SAFB: variants seen among roughly 807,000 people sequenced by gnomAD.
The protein encoded by SAFB is scaffold attachment factor B1.
Under a neutral mutation model 101.6 loss-of-function variants are expected in SAFB, and 15 were observed. The observed-to-expected ratio is 0.15, with a 90% confidence interval of 0.10 to 0.23. SAFB has a LOEUF of 0.23. Among genes scored for constraint, SAFB ranks in the 10% least tolerant of loss-of-function variants. The pLI is 1.00. For synonymous variants in SAFB, 449 were observed against 407.5 expected (o/e 1.10, Z -1.23); for missense variants, 930 against 1,104.1 (o/e 0.84, Z 2.23).
rs368894379 is a variant in SAFB at position 5,667,059 on chromosome 19, G to A, written c.2348G>A (p.Arg783His). 3.7e-6 allele frequency: 6 copies of A among 1,607,764 alleles called. No homozygotes were observed. Among genetic ancestry groups the A allele is most frequent in the East Asian group, 2.2e-5 (1 of 44,868 alleles). ...TGTGATGTCCAGCATTACCCAGAACGCCATGGAGGACCAGAGCGCCACGGC... is the reference window on the plus strand; with the variant it reads ...TGTGATGTCCAGCATTACCCAGAACACCATGGAGGACCAGAGCGCCACGGC... ...GEREGQHYPE[R>H]HGGPERHGRD... The change falls in exon 18 of 21, where the codon CGC becomes CAC. Residue 783 changes from arginine (R) to histidine (H), a missense_variant. Physicochemically the swap from Arg to His is conservative, Grantham distance 29. Transcript: ENST00000588852. This position sits in a 1 kb window ranked among gnomAD's most constrained non-coding sequence, Gnocchi z 4.0.
chr19:5,625,339 G>T (rs899268344), intron 1 of SAFB, among the ~76,000 whole-genome samples: 1 of 152,202 alleles, frequency 6.6e-6, no homozygotes, highest in African/African-American at 2.4e-5. Context: ...AAGGGTGAGG[G>T]ACTTGGTGAT....
intron 14 of SAFB, among the ~76,000 whole-genome samples, chr19:5,657,726 T>C (rs990524785): frequency 1.3e-5 from 2 of 151,950 alleles, no homozygotes; most frequent in Non-Finnish European, 2.9e-5. Context: ...GGTTTCACCA[T>C]GTTGGCTAGG....
At chr19:5,665,964 C>G (rs1218657437) in intron 17 of SAFB, 1 of 152,218 alleles carries the variant, frequency 6.6e-6, no homozygotes, top group Non-Finnish European at 1.5e-5. Flanking sequence ...CGTGGGACAT[C>G]GTGCACGTGG....
chr19:5,641,878 C>A lies in SAFB; in HGVS notation c.478C>A (p.Leu160Met), dbSNP rs2053722601. 6.2e-7 allele frequency: 1 copy of A among 1,614,180 alleles called. No homozygotes were observed. Among genetic ancestry groups the A allele is most frequent in the Non-Finnish European group, 8.5e-7 (1 of 1,180,034 alleles). Reference protein sequence around the residue: ...DDDADNLQESLSDSRELVEGE... With the variant: ...DDDADNLQESMSDSRELVEGE... ...TGATGCTGATAACCTCCAGGAGTCC[C>A]TGTCGGATAGTAGAGAGCTAGTCGA... is the stretch of plus-strand genomic sequence containing the variant. Residue 160 changes from leucine (L) to methionine (M), a missense_variant, in exon 4 of 21, where the codon CTG becomes ATG. By Grantham distance (15) the Leu-to-Met change is conservative (BLOSUM62 2). Transcript: ENST00000588852.
chr19:5,642,457 AAAAC>A (rs1219089575), intron 4 of SAFB, among the ~76,000 whole-genome samples: 1 of 139,364 alleles, frequency 7.2e-6, no homozygotes, highest in African/African-American at 2.7e-5. Context: ...TCTCTTGTTT[AAAAC>A]AAACAAACAA....
intron 2 of SAFB, among the ~76,000 whole-genome samples, chr19:5,630,980 T>C (rs1315944491): frequency 6.6e-6 from 1 of 151,672 alleles, no homozygotes; most frequent in Admixed American, 6.6e-5. Context: ...TCACCTGAGG[T>C]CAGGAGTTCG....
intron 17 of SAFB, 56 bp from the exon 18 acceptor site, chr19:5,666,990 G>C (rs2145501102): frequency 9.4e-7 from 1 of 1,068,152 alleles, no homozygotes; most frequent in African/African-American, 1.5e-5. Flanking sequence ...AAAAGCCTTG[G>C]GGTCTGGGCG....
intron 2 of SAFB, among the ~76,000 whole-genome samples, chr19:5,637,956 A>C (rs2053628797): frequency 6.6e-6 from 1 of 152,252 alleles, no homozygotes; most frequent in African/African-American, 2.4e-5. Flanking sequence ...GAGCATGCCT[A>C]TTCCTGACAC....
rs1194171730 is a variant in SAFB at position 5,661,578 on chromosome 19, G to A, written c.1923G>A (p.Glu641=). ...QRMQAQWERE[E]RERLEIARER... The stretch of plus-strand genomic sequence containing the variant: ...TGCAGGCGCAGTGGGAGCGCGAGGA[G>A]CGTGAGCGGCTGGAGATTGCCCGAG... The change falls in exon 15 of 21, where the codon GAG becomes GAA. Residue 641 remains glutamate, a synonymous_variant. Coordinates refer to ENST00000588852, the MANE Select transcript of SAFB (RefSeq NM_001201338.2). 24 of 1,613,122 alleles carry A rather than the reference G, an allele frequency of 1.5e-5. No homozygotes were observed. Among genetic ancestry groups the A allele is most frequent in the Non-Finnish European group, 1.9e-5 (22 of 1,179,936 alleles).
Position 5,623,286 on chromosome 19 carries a change from G to T in SAFB, c.81G>T (p.Gly27=). The T allele has an allele frequency of 6.2e-7, 1 of 1,613,548 alleles. No individual in the cohort carries two copies. The highest frequency in any genetic ancestry group is 8.5e-7 in the Non-Finnish European group (1 of 1,179,738). Residue 27 remains glycine, a synonymous_variant, in exon 1 of 21, where the codon GGG becomes GGT. Coordinates refer to ENST00000588852, the MANE Select transcript of SAFB (RefSeq NM_001201338.2). ...AALSSASSET[G]TRRLSDLRVI... is the part of the protein sequence containing the mutation. ...TGAGCTCCGCCTCGTCAGAGACCGG[G>T]ACGCGGCGCCTCAGCGACCTGCGAG... is the stretch of plus-strand genomic sequence containing the variant.
At chr19:5,639,656 G>GCACTC (rs2053663712) in intron 2 of SAFB, among the ~76,000 whole-genome samples, 1 of 148,204 alleles carries the variant, frequency 6.7e-6, no homozygotes, top group South Asian at 2.1e-4. Context: ...TCAGGCCACT[G>GCACTC]CACTCCAGCC....
rs1435892614 is a variant in SAFB at position 5,667,754 on chromosome 19, T to C, written c.2558-66T>C. On this transcript the variant is annotated intron_variant, in intron 19 of 20. Coordinates refer to ENST00000588852, the MANE Select transcript of SAFB (RefSeq NM_001201338.2). This position sits in a 1 kb window ranked among gnomAD's most constrained non-coding sequence, Gnocchi z 4.0. ...CCTCACCAAAGGGAGTGGAGTGGGCTAAATGTGCCGTGGGTTCCACGCCGT... is the reference window on the plus strand; with the variant it reads ...CCTCACCAAAGGGAGTGGAGTGGGCCAAATGTGCCGTGGGTTCCACGCCGT... The C allele has an allele frequency of 5.8e-6, 9 of 1,542,792 alleles. No homozygotes were observed. Among genetic ancestry groups the C allele is most frequent in the Non-Finnish European group, 8.0e-6 (9 of 1,118,362 alleles).
At chr19:5,654,607 A>G (rs2054012838) in intron 13 of SAFB, 151 bp downstream of exon 13, 2 of 645,662 alleles carry the variant, frequency 3.1e-6, no homozygotes, top group Non-Finnish European at 2.8e-6. Context: ...TTTTTGAGAC[A>G]GGTTCTCACT....
chr19:5,649,569 C>G (rs1257273109), intron 7 of SAFB, 70 bp downstream of exon 7: 2 of 363,592 alleles, frequency 5.5e-6, no homozygotes, highest in Non-Finnish European at 1.0e-5. Context: ...CACACATAAG[C>G]TGTTTTTTTC....
intron 14 of SAFB, 30 bp from the exon 15 acceptor site, chr19:5,661,488 G>A: frequency 1.2e-6 from 2 of 1,607,910 alleles, no homozygotes; most frequent in African/African-American, 2.7e-5. Flanking sequence ...GGGTGTCTAG[G>A]TCCCCTTCTG....
In SAFB at chr19:5,660,075, G is replaced by A. The variant is rs189075410; in HGVS notation, c.1863-1443G>A. On this transcript the variant is annotated intron_variant, in intron 14 of 20. Transcript: ENST00000588852. ...CAGTCATTTGAGTCCAGAACACTAT[G>A]AGGCAAGATTATACATTTCTGCTGG... 2.0e-5 allele frequency among the ~76,000 whole-genome samples: 3 copies of A among 152,278 alleles called. No homozygotes were observed. The East Asian group carries it at 5.8e-4, about 29-fold the overall frequency.
At chr19:5,642,958 C>T (rs79347367) in intron 4 of SAFB, among the ~76,000 whole-genome samples, 46 of 152,126 alleles carry the variant, frequency 3.0e-4, no homozygotes, top group African/African-American at 9.6e-4. Context: ...TGAGCCACCG[C>T]GCCCAGCATG....
At position 5,651,111 on chromosome 19, in the gene SAFB, C is replaced by A. The variant is rs554059414; in HGVS notation, c.1293+39C>A. The A allele has an allele frequency of 4.4e-4, 607 of 1,366,294 alleles. 6 individuals carry two copies. In the South Asian group the frequency reaches 7.1e-3, roughly 16 times the overall value. The allele number at this position is 1,366,294 out of a possible 1,614,324, so 84.6% of individuals were successfully genotyped here. On this transcript the variant is annotated intron_variant, in intron 9 of 20. Transcript: ENST00000588852. ...CTTTTCTGGAGAAGATACTTTGAAA[C>A]CAGCGTTGTGTGGCCTTTACATGGA...
chr19:5,667,923 T>G lies in SAFB; in HGVS notation c.2624+37T>G, dbSNP rs779708382. On this transcript the variant is annotated intron_variant, in intron 20 of 20. Coordinates refer to ENST00000588852, the MANE Select transcript of SAFB (RefSeq NM_001201338.2). The surrounding 1 kb of genome is among the most constrained non-coding windows in gnomAD (Gnocchi z 4.0). ...TGGGGGCGGCGCCCCTTCCCCCTGCTTTGCATATTGGCCTACCTTGCTGGA... is the reference window on the plus strand; with the variant it reads ...TGGGGGCGGCGCCCCTTCCCCCTGCGTTGCATATTGGCCTACCTTGCTGGA... The G allele has an allele frequency of 3.2e-6, 5 of 1,562,348 alleles. No homozygotes were observed. The South Asian group carries it at 6.0e-5, about 19-fold the overall frequency.
Sources: gnomAD v4.1 joint callset for allele counts (sites outside exome capture counted in the v4.1 genomes callset) on GRCh38, gnomAD v4.1.1 for gene constraint, Gnocchi (gnomAD v3.1) non-coding constraint, MANE v1.5 for transcripts, NCBI Gene and HGNC (gene_info 2026-07-23, HGNC 2026-07-21) for gene names.